Variants in ARHGAP29 observed in about 807,000 individuals in gnomAD.
ARHGAP29 encodes rho GTPase-activating protein 29.
A neutral mutation model predicts 122.6 loss-of-function variants in ARHGAP29; 43 were observed. The ratio of observed to expected loss-of-function variants is 0.35; its 90% CI spans 0.27 to 0.45. The LOEUF (loss-of-function observed/expected upper bound fraction) is 0.45, where lower values mean the gene tolerates loss of function less well. ARHGAP29 is among the 20% of genes least tolerant of loss of function. The pLI, the probability that ARHGAP29 is intolerant of heterozygous loss-of-function variation, is 1.00. For synonymous variants in ARHGAP29, 506 were observed against 497.1 expected (o/e 1.02, Z -0.24); for missense variants, 1,303 against 1,477.2 (o/e 0.88, Z 1.93).
intron 1 of ARHGAP29, among the ~76,000 whole-genome samples, chr1:94,234,012 C>T (rs763900603): frequency 3.0e-4 from 46 of 152,172 alleles, no homozygotes; most frequent in Non-Finnish European, 5.0e-4. Flanking sequence ...CAGCTCAAAG[C>T]TTACCTCCTC....
Position 94,177,603 on chromosome 1 carries a change from G to A in ARHGAP29, c.2905+9C>T. ...AGCAAACATATTTTTTTTTTACATG[G>A]CTACTCACCACTGAGACATGCATCA... On this transcript the variant is annotated intron_variant, in intron 22 of 22. Coordinates refer to ENST00000260526, the MANE Select transcript of ARHGAP29 (RefSeq NM_004815.4). 1.9e-6 allele frequency: 3 copies of A among 1,572,080 alleles called. No individual in the cohort carries two copies. Among genetic ancestry groups the A allele is most frequent in the Non-Finnish European group, 2.6e-6 (3 of 1,159,784 alleles).
intron 3 of ARHGAP29, among the ~76,000 whole-genome samples, chr1:94,211,450 T>C (rs1367140890): frequency 6.6e-6 from 1 of 151,984 alleles, no homozygotes; most frequent in African/African-American, 2.4e-5. Context: ...ACAGAACGCG[T>C]AGATGGAAAA....
chr1:94,212,275 G>C (rs967989115), intron 3 of ARHGAP29, among the ~76,000 whole-genome samples: 3 of 151,986 alleles, frequency 2.0e-5, no homozygotes, highest in Non-Finnish European at 2.9e-5. Flanking sequence ...TTAAAAAAGG[G>C]ATTTTGCAGA....
At chr1:94,263,932 T>C (rs1021922058) in intron 1 of ARHGAP29, among the ~76,000 whole-genome samples, 3 of 152,212 alleles carry the variant, frequency 2.0e-5, no homozygotes, top group South Asian at 4.1e-4. Context: ...TTCTCTGCTA[T>C]TGAGTGCTTG....
At chr1:94,273,780 T>C (rs777392649) in intron 1 of ARHGAP29, among the ~76,000 whole-genome samples, 5 of 152,082 alleles carry the variant, frequency 3.3e-5, no homozygotes, top group Non-Finnish European at 7.4e-5. Context: ...AACTGACTAG[T>C]TTAGTCACCA....
At chr1:94,226,670 C>G (rs1282135629) in intron 2 of ARHGAP29, among the ~76,000 whole-genome samples, 3 of 151,512 alleles carry the variant, frequency 2.0e-5, no homozygotes, top group Non-Finnish European at 4.4e-5. Context: ...TCTAGGCAAA[C>G]GCAGAAGAGG....
the ARHGAP29 span, among the ~76,000 whole-genome samples, chr1:94,295,797 A>ACAATG: frequency 4.6e-5 from 7 of 151,978 alleles, no homozygotes; most frequent in African/African-American, 9.7e-5. Flanking sequence ...CTAATTCCAC[A>ACAATG]TTGGGGTATT....
upstream of ARHGAP29, among the ~76,000 whole-genome samples, chr1:94,279,318 G>A (rs1268338041): frequency 2.0e-5 from 3 of 152,162 alleles, no homozygotes; most frequent in African/African-American, 7.2e-5. Context: ...GTCTGTGCTA[G>A]ACCCTCTGCC....
chr1:94,194,293 T>C (rs1650308407), intron 12 of ARHGAP29: 1 of 152,210 alleles, frequency 6.6e-6, no homozygotes, highest in African/African-American at 2.4e-5. Context: ...ACTAGTAATC[T>C]CAGAACTTCT....
At chr1:94,259,590 T>C (rs1020348665) in intron 1 of ARHGAP29, among the ~76,000 whole-genome samples, 1 of 151,792 alleles carries the variant, frequency 6.6e-6, no homozygotes, top group African/African-American at 2.4e-5. Context: ...AAGGAAGAGG[T>C]AGAAATTGGA....
intron 15 of ARHGAP29, 60 bp downstream of exon 15, chr1:94,188,777 A>T: frequency 7.4e-7 from 1 of 1,352,784 alleles, no homozygotes; most frequent in Non-Finnish European, 1.0e-6. Flanking sequence ...GTTAAAAAAT[A>T]CCTAAAAAAG....
At chr1:94,203,667 A>G (rs1651004703) in intron 8 of ARHGAP29, among the ~76,000 whole-genome samples, 1 of 152,118 alleles carries the variant, frequency 6.6e-6, no homozygotes, top group African/African-American at 2.4e-5. Flanking sequence ...CTCGGGGGAC[A>G]GAGGTTGCAG....
chr1:94,258,718 A>G lies in ARHGAP29; in HGVS notation c.-33+16294T>C, dbSNP rs1003889714. 1.2e-4 allele frequency among the ~76,000 whole-genome samples: 19 copies of G among 152,356 alleles called. 1 individual carries two copies. The highest frequency in any genetic ancestry group is 1.2e-3 in the Admixed American group (19 of 15,310). On this transcript the variant is annotated intron_variant and NMD_transcript_variant, in intron 1 of 25. Coordinates refer to the ARHGAP29 transcript ENST00000552844. ...CGCTTCCTATGTAGTAAGGTCTTAC[A>G]TAGATTATCTTATTTACTCTTCACA...
chr1:94,272,018 G>C (rs545952648), intron 1 of ARHGAP29, among the ~76,000 whole-genome samples: 2 of 152,260 alleles, frequency 1.3e-5, no homozygotes, highest in African/African-American at 4.8e-5. Flanking sequence ...ATGAGCCCAG[G>C]TTATCCACTT....
At chr1:94,222,146 AG>A (rs1179994658) in intron 2 of ARHGAP29, among the ~76,000 whole-genome samples, 1 of 152,228 alleles carries the variant, frequency 6.6e-6, no homozygotes, top group East Asian at 1.9e-4. Context: ...AATGTCCATG[AG>A]TCCATACTGA....
Position 94,173,824 on chromosome 1 carries a change from CA to C in ARHGAP29, c.*44del. 6.5e-7 allele frequency: 1 copy of C among 1,545,860 alleles called. No individual in the cohort carries two copies. On this transcript the variant is annotated 3_prime_UTR_variant, in exon 23 of 23. Coordinates refer to ENST00000260526, the MANE Select transcript of ARHGAP29 (RefSeq NM_004815.4). ...CTTTCACAAAACAAGCACAATACCACAAAATAACACAACAACAACAAAAAAA... is the reference window on the plus strand; with the variant it reads ...CTTTCACAAAACAAGCACAATACCACAAATAACACAACAACAACAAAAAAA...
At chr1:94,186,151 G>A (rs1451962681) in intron 16 of ARHGAP29, among the ~76,000 whole-genome samples, 1 of 152,130 alleles carries the variant, frequency 6.6e-6, no homozygotes, top group African/African-American at 2.4e-5. Context: ...TTCTTTTGAA[G>A]GAGCTTTTTA....
chr1:94,284,723 T>G, the ARHGAP29 span, among the ~76,000 whole-genome samples: 1 of 152,238 alleles, frequency 6.6e-6, no homozygotes, highest in Non-Finnish European at 1.5e-5. Flanking sequence ...GGTAAGCCAC[T>G]GATACTCCGA....
In ARHGAP29 at chr1:94,201,749, C is replaced by A; in HGVS notation, c.1252G>T (p.Val418Phe). ...REILAQLRTL[V>F]FQCDLTLKAV... is the part of the protein sequence containing the mutation. ...TTAAGGGTAAGATCACACTGGAAAA[C>A]AAGTGTCCGGAGTTGTGCTAAAATT... is the stretch of plus-strand genomic sequence containing the variant. Residue 418 changes from valine (V) to phenylalanine (F), a missense_variant, in exon 12 of 23, where the codon GTT becomes TTT. Around this residue, in one of 3 missense-constraint regions of ARHGAP29, gnomAD observed 592 missense variants for 648.2 expected, o/e 0.91. Coordinates refer to ENST00000260526, the MANE Select transcript of ARHGAP29 (RefSeq NM_004815.4). 6.2e-7 allele frequency: 1 copy of A among 1,613,782 alleles called. No homozygotes were observed. Among genetic ancestry groups the A allele is most frequent in the South Asian group, 1.1e-5 (1 of 90,980 alleles).
Sources: allele counts gnomAD v4.1 joint callset (sites outside exome capture counted in the v4.1 genomes callset), GRCh38; gene constraint gnomAD v4.1.1; regional missense constraint gnomAD v4.1.1; transcripts MANE v1.5; gene names NCBI Gene and HGNC (gene_info 2026-07-23, HGNC 2026-07-21).